The following MEF2A variants were observed in gnomAD, a reference collection of about 807,000 sequenced individuals.
MEF2A encodes myocyte enhancer factor 2A.
MEF2A carries 28 observed loss-of-function variants against 55.8 expected under a neutral mutation model. The ratio of observed to expected loss-of-function variants is 0.50; its 90% CI spans 0.37 to 0.69. The LOEUF is 0.69. MEF2A is among the 30% of genes least tolerant of loss of function. The pLI is 0.00. For missense variants in MEF2A, 528 were observed against 626.2 expected, an observed-to-expected ratio of 0.84 and a Z score of 1.67; for synonymous variants, 239 against 227.1, an observed-to-expected ratio of 1.05 and a Z score of -0.47.
At chr15:99,704,612 G>A (rs2057808407) in intron 9 of MEF2A, among the ~76,000 whole-genome samples, 1 of 152,154 alleles carries the variant, frequency 6.6e-6, no homozygotes, top group African/African-American at 2.4e-5. Flanking sequence ...GTTGAGATGA[G>A]GAGCTTAGAT....
At position 99,566,104 on chromosome 15, in the gene MEF2A, G is replaced by A. The variant is rs1286557786; in HGVS notation, c.-225G>A. The A allele has an allele frequency of 6.6e-6, 1 of 152,338 alleles. No homozygotes were observed. Among genetic ancestry groups the A allele is most frequent in the African/African-American group, 2.4e-5 (1 of 41,384 alleles). The allele number at this position is 152,338 out of a possible 1,614,324, so 9.4% of individuals were successfully genotyped here. A position where few individuals can be genotyped will look rare whatever the true frequency, so the allele number is the denominator to read the frequency against. ...CGCCCGCCAGCTGCTCCGGAGATAC[G>A]GTGAGGGCCGCGGGCAGCGGGGCTC... On this transcript the variant is annotated splice_region_variant and 5_prime_UTR_variant, in exon 1 of 12. Coordinates refer to ENST00000557942, the MANE Select transcript of MEF2A (RefSeq NM_001319206.4).
upstream of MEF2A, chr15:99,565,500 G>A (rs1184054737): frequency 1.3e-5 from 2 of 150,618 alleles, no homozygotes; most frequent in Non-Finnish European, 3.0e-5. Context: ...GCTGAGCGGC[G>A]GAGCGGGGGC....
intron 9 of MEF2A, among the ~76,000 whole-genome samples, chr15:99,704,274 G>A (rs370131769): frequency 6.6e-6 from 1 of 152,156 alleles, no homozygotes; most frequent in African/African-American, 2.4e-5. Context: ...TTTCAAAGAA[G>A]GTTATCTGTT....
At chr15:99,572,021 T>G (rs1962550282) in intron 1 of MEF2A, among the ~76,000 whole-genome samples, 3 of 151,718 alleles carry the variant, frequency 2.0e-5, no homozygotes, top group Admixed American at 1.3e-4. Flanking sequence ...AAGTTTTTTT[T>G]TTTTTTTTTT....
intron 9 of MEF2A, 157 bp from the exon 10 acceptor site, chr15:99,706,568 TTTAG>T (rs1395208834): frequency 1.9e-5 from 13 of 686,022 alleles, no homozygotes; most frequent in East Asian, 1.4e-4. Flanking sequence ...AAATTAAATA[TTTAG>T]TTATTCTCAC....
chr15:99,567,785 C>T (rs1168418178), intron 1 of MEF2A, among the ~76,000 whole-genome samples: 1 of 152,106 alleles, frequency 6.6e-6, no homozygotes, highest in Non-Finnish European at 1.5e-5. Flanking sequence ...ATGTCATAAA[C>T]ACACACCTGT....
At chr15:99,672,354 A>G (rs1242202273) in intron 5 of MEF2A, among the ~76,000 whole-genome samples, 1 of 152,258 alleles carries the variant, frequency 6.6e-6, no homozygotes, top group African/African-American at 2.4e-5. Flanking sequence ...CAGTTTCTGT[A>G]TACTCATTCA....
intron 1 of MEF2A, among the ~76,000 whole-genome samples, chr15:99,589,137 A>G (rs1440763114): frequency 6.6e-6 from 1 of 152,200 alleles, no homozygotes; most frequent in African/African-American, 2.4e-5. Context: ...TGTACAGCTG[A>G]TATTAAATCT....
chr15:99,698,386 C>T (rs2056832556), intron 8 of MEF2A, among the ~76,000 whole-genome samples: 1 of 152,122 alleles, frequency 6.6e-6, no homozygotes, highest in African/African-American at 2.4e-5. Context: ...AAAGAAGATA[C>T]ATGGATGGCA....
intron 7 of MEF2A, among the ~76,000 whole-genome samples, chr15:99,676,611 C>T (rs1265997743): frequency 6.6e-6 from 1 of 150,774 alleles, no homozygotes; most frequent in African/African-American, 2.4e-5. Flanking sequence ...TCGCTCTTGT[C>T]GCCCAGGCTG....
At chr15:99,679,162 CATT>C (rs2052713693) in intron 7 of MEF2A, among the ~76,000 whole-genome samples, 1 of 152,216 alleles carries the variant, frequency 6.6e-6, no homozygotes, top group African/African-American at 2.4e-5. Context: ...AACCATTTGG[CATT>C]ATCTGCCTAA....
intron 3 of MEF2A, among the ~76,000 whole-genome samples, chr15:99,640,469 CTTCCT>C (rs2044678095): frequency 6.6e-6 from 1 of 151,784 alleles, no homozygotes; most frequent in African/African-American, 2.4e-5. Flanking sequence ...CTACATATTT[CTTCCT>C]TTCCTTTTCT....
At chr15:99,603,300 T>C (rs1004572182) in intron 2 of MEF2A, among the ~76,000 whole-genome samples, 7 of 152,222 alleles carry the variant, frequency 4.6e-5, no homozygotes, top group Non-Finnish European at 1.0e-4. Flanking sequence ...GAACATACTT[T>C]GTGTGATGTA....
At chr15:99,612,518 A>G (rs900204519) in intron 2 of MEF2A, among the ~76,000 whole-genome samples, 3 of 152,202 alleles carry the variant, frequency 2.0e-5, no homozygotes, top group Admixed American at 6.5e-5. Flanking sequence ...TAAAAATCAT[A>G]TAGAATTGAA....
intron 7 of MEF2A, among the ~76,000 whole-genome samples, chr15:99,678,019 A>G (rs2052456093): frequency 6.6e-6 from 1 of 152,250 alleles, no homozygotes; most frequent in Non-Finnish European, 1.5e-5. Context: ...TGGTCATAAA[A>G]ATACAAGTAT....
At position 99,671,325 on chromosome 15, in the gene MEF2A, T is replaced by G; in HGVS notation, c.261T>G (p.Thr87=). ...ESRTNSDIVE[T]LRKKGLNGCE... ...TGAATTTTCCAATTGTATTTCAGAC[T>G]TTAAGAAAGAAAGGCCTTAATGGTT... The change falls in exon 5 of 12, where the codon ACT becomes ACG. Residue 87 remains threonine, a splice_region_variant and synonymous_variant. Coordinates refer to ENST00000557942, the MANE Select transcript of MEF2A (RefSeq NM_001319206.4). 1 of 1,598,528 alleles carries G rather than the reference T, an allele frequency of 6.3e-7. No individual in the cohort carries two copies. Among genetic ancestry groups the G allele is most frequent in the Non-Finnish European group, 8.5e-7 (1 of 1,170,272 alleles).
At chr15:99,614,344 G>A (rs917396967) in intron 2 of MEF2A, among the ~76,000 whole-genome samples, 6 of 151,998 alleles carry the variant, frequency 3.9e-5, no homozygotes, top group Non-Finnish European at 7.4e-5. Context: ...TCACCTCACC[G>A]TCCCAAAGTG....
At chr15:99,643,794 T>C (rs1025707916) in intron 3 of MEF2A, among the ~76,000 whole-genome samples, 1 of 152,084 alleles carries the variant, frequency 6.6e-6, no homozygotes, top group Non-Finnish European at 1.5e-5. Context: ...GGTTTCGTAG[T>C]GTTAGCCAAG....
chr15:99,629,515 A>G (rs1289136977), intron 2 of MEF2A, among the ~76,000 whole-genome samples: 1 of 152,208 alleles, frequency 6.6e-6, no homozygotes, highest in Non-Finnish European at 1.5e-5. Context: ...TGTAAAAGAA[A>G]GCGGAGAGGA....
Sources: gnomAD v4.1 joint callset for allele counts (sites outside exome capture counted in the v4.1 genomes callset) on GRCh38, gnomAD v4.1.1 for gene constraint, MANE v1.5 for transcripts, NCBI Gene and HGNC (gene_info 2026-07-23, HGNC 2026-07-21) for gene names.